Variants in RPA3 observed in about 807,000 individuals in gnomAD.
The protein encoded by RPA3 is replication protein A 14 kDa subunit.
Under a neutral mutation model 13.7 loss-of-function variants are expected in RPA3, and 24 were observed. That is an observed-to-expected ratio of 1.75 (90% CI 1.27 to 2.46). RPA3 has a LOEUF of 2.46. Ranked by LOEUF, RPA3 falls within the 30% of genes most tolerant of loss-of-function variation. The pLI, the probability that RPA3 is intolerant of heterozygous loss-of-function variation, is 0.00. For synonymous variants in RPA3, 59 were observed against 51.2 expected, an observed-to-expected ratio of 1.15 and a Z score of -0.65; for missense variants, 183 against 151.0, an observed-to-expected ratio of 1.21 and a Z score of -1.11.
intron 2 of RPA3, among the ~76,000 whole-genome samples, chr7:7,690,054 T>A (rs1583739917): frequency 6.6e-6 from 1 of 152,304 alleles, no homozygotes; most frequent in East Asian, 1.9e-4. Context: ...TGATGGGAAA[T>A]AAGCTTGCCA....
intron 4 of RPA3, among the ~76,000 whole-genome samples, chr7:7,662,266 T>C (rs1297931811): frequency 6.6e-6 from 1 of 152,168 alleles, no homozygotes; most frequent in Non-Finnish European, 1.5e-5. Flanking sequence ...TGGGATCCAC[T>C]GAGCTAGACC....
At chr7:7,711,514 T>G (rs1780763403) in intron 2 of RPA3, among the ~76,000 whole-genome samples, 1 of 152,222 alleles carries the variant, frequency 6.6e-6, no homozygotes, top group South Asian at 2.1e-4. Flanking sequence ...CTTTTTAACA[T>G]GTAATACTGT....
In RPA3 at chr7:7,692,900, C is replaced by T. The variant is rs78861841; in HGVS notation, c.-1027-5572G>A. On this transcript the variant is annotated intron_variant, in intron 2 of 7. Transcript: ENST00000223129. ...GGGATTACAGGCATGAGCCACCGTGCCTGGCCAAAATGTGGCTTTTAAAAT... is the reference window on the plus strand; with the variant it reads ...GGGATTACAGGCATGAGCCACCGTGTCTGGCCAAAATGTGGCTTTTAAAAT... Among the ~76,000 whole-genome samples the T allele has an allele frequency of 9.9e-5, 15 of 152,256 alleles. No individual in the cohort carries two copies. In the East Asian group the frequency reaches 2.7e-3, roughly 27 times the overall value.
chr7:7,638,195 A>C, intron 6 of RPA3: 1 of 397,100 alleles, frequency 2.5e-6, no homozygotes, highest in East Asian at 4.4e-5. Context: ...TTCAAGTCCA[A>C]AGCTACAATT....
chr7:7,670,739 C>T (rs1779586131), intron 4 of RPA3, among the ~76,000 whole-genome samples: 1 of 152,148 alleles, frequency 6.6e-6, no homozygotes, highest in South Asian at 2.1e-4. Context: ...CCCTCCTTTA[C>T]CCTTACACCC....
chr7:7,676,282 T>C (rs1371665778), intron 4 of RPA3: 2 of 397,206 alleles, frequency 5.0e-6, no homozygotes, highest in Non-Finnish European at 8.9e-6. Context: ...CCCATGAAGT[T>C]ATTGAGGGGA....
intron 2 of RPA3, among the ~76,000 whole-genome samples, chr7:7,689,837 T>A (rs1780131660): frequency 6.6e-6 from 1 of 152,208 alleles, no homozygotes; most frequent in African/African-American, 2.4e-5. Context: ...TGGATATTGC[T>A]GGTACCAAGG....
At chr7:7,690,281 A>AT (rs1006618968) in intron 2 of RPA3, among the ~76,000 whole-genome samples, 19 of 150,474 alleles carry the variant, frequency 1.3e-4, no homozygotes, top group Admixed American at 8.6e-4. Flanking sequence ...TGAAACCATA[A>AT]TTTTTTTTTT....
rs1365684493 is a variant in RPA3 at position 7,640,738 on chromosome 7, G to A, written c.-320C>T. On this transcript the variant is annotated 5_prime_UTR_variant, in exon 5 of 8. Coordinates refer to ENST00000223129, the MANE Select transcript of RPA3 (RefSeq NM_002947.5). Reference sequence around the variant, plus strand: ...CTGAGACTACCTTTCTGCGATCACAGGATTCCCGGCGGTGACTTGACCCCG... The same window carrying A: ...CTGAGACTACCTTTCTGCGATCACAAGATTCCCGGCGGTGACTTGACCCCG... 4 of 282,654 alleles carry A rather than the reference G, an allele frequency of 1.4e-5. No individual in the cohort carries two copies. Among genetic ancestry groups the A allele is most frequent in the African/African-American group, 6.7e-5 (3 of 44,906 alleles). 17.5% of individuals were successfully genotyped at this position (282,654 alleles called of 1,614,324 possible). A position where few individuals can be genotyped will look rare whatever the true frequency, so the allele number is the denominator to read the frequency against.
intron 6 of RPA3, chr7:7,638,791 T>C: frequency 3.5e-6 from 1 of 288,862 alleles, no homozygotes; most frequent in East Asian, 5.9e-5. Context: ...ACGTAAATTT[T>C]TCTTATGTGA....
rs1780031106 is a variant in RPA3 at position 7,685,845 on chromosome 7, T to C, written c.-773A>G. On this transcript the variant is annotated 5_prime_UTR_variant, in exon 4 of 8. Coordinates refer to ENST00000223129, the MANE Select transcript of RPA3 (RefSeq NM_002947.5). ...ATGGTCTTACCTTGGAAGAATAGTA[T>C]CTCATAAAATAAGTAAGAAGAATGT... 2 of 152,256 alleles carry C rather than the reference T, an allele frequency of 1.3e-5. No individual in the cohort carries two copies. Among genetic ancestry groups the C allele is most frequent in the South Asian group, 4.1e-4 (2 of 4,838 alleles). The allele number at this position is 152,256 out of a possible 1,614,324, so 9.4% of individuals were successfully genotyped here.
chr7:7,639,408 C>T (rs757097719), intron 5 of RPA3, among the ~76,000 whole-genome samples: 1 of 152,158 alleles, frequency 6.6e-6, no homozygotes, highest in Non-Finnish European at 1.5e-5. Context: ...TATGGCAACC[C>T]TATTCTGATA....
At chr7:7,714,258 A>C (rs1441353602) in intron 2 of RPA3, among the ~76,000 whole-genome samples, 1 of 152,188 alleles carries the variant, frequency 6.6e-6, no homozygotes, top group Non-Finnish European at 1.5e-5. Context: ...AGCATTTCCA[A>C]CTTTTCTATA....
At chr7:7,705,554 C>G (rs1009804056) in intron 2 of RPA3, among the ~76,000 whole-genome samples, 2 of 152,090 alleles carry the variant, frequency 1.3e-5, no homozygotes, top group Admixed American at 1.3e-4. Context: ...AAGTACTATG[C>G]TTGTGTAATC....
At chr7:7,644,600 T>C (rs1193315950) in intron 4 of RPA3, among the ~76,000 whole-genome samples, 1 of 152,224 alleles carries the variant, frequency 6.6e-6, no homozygotes, top group Admixed American at 6.5e-5. Flanking sequence ...TTGTTTTAAT[T>C]TCAGTTGTCC....
At chr7:7,708,682 TC>T (rs1457651976) in intron 2 of RPA3, among the ~76,000 whole-genome samples, 1 of 152,188 alleles carries the variant, frequency 6.6e-6, no homozygotes, top group Non-Finnish European at 1.5e-5. Context: ...GTTTTGGCCA[TC>T]TTAAAATTAT....
intron 4 of RPA3, among the ~76,000 whole-genome samples, chr7:7,673,710 C>CTTTTT (rs1563108705): frequency 7.5e-6 from 1 of 132,504 alleles, no homozygotes. Context: ...TTTTTCCCCC[C>CTTTTT]CTTTTTTTTT....
At chr7:7,639,218 C>T (rs991220759) in intron 5 of RPA3, 74 bp from the exon 6 acceptor site, 1 of 1,042,544 alleles carries the variant, frequency 9.6e-7, no homozygotes, top group Non-Finnish European at 1.4e-6. Context: ...TACATTGATC[C>T]TTAGTTGAGC....
intron 4 of RPA3, chr7:7,676,000 C>T (rs147126730): frequency 3.4e-4 from 135 of 395,784 alleles, no homozygotes; most frequent in East Asian, 2.6e-3. Flanking sequence ...TACCATTACT[C>T]TCCTGAAGTT....
Sources: allele counts gnomAD v4.1 joint callset (sites outside exome capture counted in the v4.1 genomes callset), GRCh38; gene constraint gnomAD v4.1.1; transcripts MANE v1.5; gene names NCBI Gene and HGNC (gene_info 2026-07-23, HGNC 2026-07-21).